The following SVIL variants were observed in gnomAD, a reference collection of about 807,000 sequenced individuals.
SVIL encodes supervillin, also known as archvillin.
A neutral mutation model predicts 240.4 loss-of-function variants in SVIL; 101 were observed. The ratio of observed to expected loss-of-function variants is 0.42; its 90% CI spans 0.36 to 0.50. The LOEUF is 0.50. Among genes scored for constraint, SVIL ranks in the 20% least tolerant of loss-of-function variants. The pLI is 0.01. For missense variants in SVIL, 2,512 were observed against 2,818.7 expected (o/e 0.89, Z 2.46); for synonymous variants, 999 against 1,100.0 (o/e 0.91, Z 1.82).
chr10:29,642,307 G>A (rs554989452), intron 3 of SVIL, among the ~76,000 whole-genome samples: 4 of 152,080 alleles, frequency 2.6e-5, no homozygotes, highest in African/African-American at 4.8e-5. Context: ...GCTGAGAAGC[G>A]CTTGAACCTG....
At chr10:29,625,771 T>A (rs1185295660) in intron 1 of SVIL, among the ~76,000 whole-genome samples, 1 of 152,220 alleles carries the variant, frequency 6.6e-6, no homozygotes, top group Middle Eastern at 3.4e-3. Flanking sequence ...CTCAAACATA[T>A]ATTTTGAAAT....
chr10:29,722,083 C>G (rs752221848), intron 1 of SVIL, among the ~76,000 whole-genome samples: 1 of 151,896 alleles, frequency 6.6e-6, no homozygotes, highest in Non-Finnish European at 1.5e-5. Flanking sequence ...GCTAAAAATA[C>G]AAAAATTAGC....
chr10:29,463,344 G>GA, intron 35 of SVIL, 148 bp downstream of exon 35: 2 of 1,048,070 alleles, frequency 1.9e-6, no homozygotes, highest in Non-Finnish European at 2.6e-6. Flanking sequence ...AGTTAAAGGG[G>GA]AAAAAATTGG....
chr10:29,512,762 CT>C lies in SVIL; in HGVS notation c.3488del (p.Gln1163ArgfsTer20). 1 of 1,614,042 alleles carries C rather than the reference CT, an allele frequency of 6.2e-7. No homozygotes were observed. The highest frequency in any genetic ancestry group is 1.1e-5 in the South Asian group (1 of 91,072). On this transcript the variant is annotated frameshift_variant, in exon 17 of 38. Coordinates refer to ENST00000355867, the MANE Select transcript of SVIL (RefSeq NM_021738.3). LOFTEE classifies it high-confidence loss of function. ...TCTTGATGAGGGACCGCCCTGCTTC[CT>C]GGGTGTGCAGGCTGCTGGCCGGCGC... is the stretch of plus-strand genomic sequence containing the variant. ...GKAPASSLHT[Q>X]EAGRSLIKKR... is the part of the protein sequence containing the mutation.
At chr10:29,587,210 C>T (rs1956206648) in intron 1 of SVIL, among the ~76,000 whole-genome samples, 1 of 152,186 alleles carries the variant, frequency 6.6e-6, no homozygotes, top group South Asian at 2.1e-4. Context: ...TAAAGTATGC[C>T]TGCCAAGGAG....
intron 1 of SVIL, among the ~76,000 whole-genome samples, chr10:29,704,852 G>A (rs1320829731): frequency 6.6e-6 from 1 of 152,140 alleles, no homozygotes; most frequent in African/African-American, 2.4e-5. Flanking sequence ...CCTCTCAGGA[G>A]TCCTGGGGAT....
At chr10:29,584,411 T>C (rs11007662) in intron 1 of SVIL, among the ~76,000 whole-genome samples, 61,302 of 152,036 alleles carry the variant, frequency 0.4, 12,464 homozygotes, top group Admixed American at 0.47. Context: ...GCAGCTTCCC[T>C]GCCCTGCTGC....
intron 1 of SVIL, among the ~76,000 whole-genome samples, chr10:29,724,689 A>G (rs1033182888): frequency 3.9e-5 from 6 of 152,062 alleles, no homozygotes; most frequent in African/African-American, 1.2e-4. Flanking sequence ...TGTTCTATCA[A>G]TTTTTCCAGG....
chr10:29,626,948 CGGGAGGCGGA>C (rs1340627750), intron 1 of SVIL, among the ~76,000 whole-genome samples: 1 of 151,996 alleles, frequency 6.6e-6, no homozygotes, highest in Non-Finnish European at 1.5e-5. Flanking sequence ...GGTGTGAACC[CGGGAGGCGGA>C]GCTTGCAGTG....
chr10:29,494,633 C>T (rs1948261599), intron 20 of SVIL, among the ~76,000 whole-genome samples: 1 of 152,128 alleles, frequency 6.6e-6, no homozygotes, highest in South Asian at 2.1e-4. Flanking sequence ...TCACCAGGCC[C>T]AAGGTCACGT....
At chr10:29,551,310 C>T in intron 5 of SVIL, 47 bp from the exon 6 acceptor site, 3 of 1,506,572 alleles carry the variant, frequency 2.0e-6, no homozygotes, top group East Asian at 2.3e-5. Flanking sequence ...CAAGTAAAGA[C>T]ATGTATTTAC....
chr10:29,709,400 T>TAAGGTG (rs1448540939), intron 1 of SVIL, among the ~76,000 whole-genome samples: 1 of 152,212 alleles, frequency 6.6e-6, no homozygotes, highest in Non-Finnish European at 1.5e-5. Context: ...TCCCCAGAGC[T>TAAGGTG]AAGGTGACAA....
chr10:29,609,266 A>T (rs1431091506), intron 1 of SVIL, among the ~76,000 whole-genome samples: 1 of 152,234 alleles, frequency 6.6e-6, no homozygotes, highest in African/African-American at 2.4e-5. Context: ...GGGTGGTGAC[A>T]TGCTCCTGGG....
At chr10:29,471,403 G>A (rs1237709461) in intron 30 of SVIL, among the ~76,000 whole-genome samples, 160 bp from the exon 31 acceptor site, 4 of 152,168 alleles carry the variant, frequency 2.6e-5, no homozygotes, top group South Asian at 2.1e-4. Context: ...GAACGCTGCC[G>A]TGTGCAGCCT....
chr10:29,618,162 G>A (rs1270128051), intron 1 of SVIL, among the ~76,000 whole-genome samples: 3 of 152,194 alleles, frequency 2.0e-5, no homozygotes, highest in African/African-American at 7.2e-5. Context: ...AGGAGGGAGG[G>A]TGTTTAAATG....
chr10:29,633,320 T>C (rs1958181023), intron 1 of SVIL, among the ~76,000 whole-genome samples: 1 of 152,040 alleles, frequency 6.6e-6, no homozygotes, highest in Non-Finnish European at 1.5e-5. Context: ...GCTGCTCTTC[T>C]TTGGAGACAG....
intron 1 of SVIL, among the ~76,000 whole-genome samples, chr10:29,579,483 C>T (rs868489368): frequency 4.1e-4 from 62 of 152,056 alleles, no homozygotes; most frequent in African/African-American, 1.4e-3. Flanking sequence ...AAAACAAAAA[C>T]GGGGACAATG....
chr10:29,523,687 T>C lies in SVIL; in HGVS notation c.2927A>G (p.Tyr976Cys), dbSNP rs1414722869. The change falls in exon 15 of 38, where the codon TAC becomes TGC. Residue 976 changes from tyrosine (Y) to cysteine (C), a missense_variant. This residue lies in a region of SVIL where 1,443 missense variants were observed against 1,486.6 expected (regional missense o/e 0.97). Transcript: ENST00000355867. ...YGSFEEAEAS[Y>C]PILNRAREGD... is the part of the protein sequence containing the mutation. ...TTCCCTGGCTCGGTTCAGGATGGGG[T>C]AGGATGCTTCTGCTTCCTCAAAGGA... The C allele has an allele frequency of 4.3e-6, 7 of 1,614,150 alleles. No individual in the cohort carries two copies. Among genetic ancestry groups the C allele is most frequent in the Non-Finnish European group, 5.9e-6 (7 of 1,180,014 alleles).
chr10:29,477,368 G>A (rs1946309324), intron 29 of SVIL, among the ~76,000 whole-genome samples: 1 of 152,340 alleles, frequency 6.6e-6, no homozygotes, highest in Admixed American at 6.5e-5. Context: ...CCCTGGAGGA[G>A]CCTGGCTCAG....
Sources: gnomAD v4.1 joint callset for allele counts (sites outside exome capture counted in the v4.1 genomes callset) on GRCh38, gnomAD v4.1.1 for gene constraint, gnomAD v4.1.1 regional missense constraint, MANE v1.5 for transcripts, NCBI Gene and HGNC (gene_info 2026-07-23, HGNC 2026-07-21) for gene names.